SGCZ: variants seen among roughly 807,000 people sequenced by gnomAD.
SGCZ encodes sarcoglycan zeta.
A neutral mutation model predicts 41.3 loss-of-function variants in SGCZ; 40 were observed. That is an observed-to-expected ratio of 0.97 (90% CI 0.75 to 1.26). The LOEUF (loss-of-function observed/expected upper bound fraction) is 1.26, where lower values mean the gene tolerates loss of function less well. Ranked by LOEUF, SGCZ falls within the 50% of genes most tolerant of loss-of-function variation. The pLI, the probability that SGCZ is intolerant of heterozygous loss-of-function variation, is 0.00. For synonymous variants in SGCZ, 206 were observed against 137.5 expected (o/e 1.50, Z -3.49); for missense variants, 552 against 369.8 (o/e 1.49, Z -4.04).
At chr8:14,931,627 T>A (rs893656981) in intron 1 of SGCZ, among the ~76,000 whole-genome samples, 4 of 152,012 alleles carry the variant, frequency 2.6e-5, no homozygotes, top group African/African-American at 9.7e-5. Context: ...TTAGATAATT[T>A]TCAGATATTA....
chr8:14,226,210 A>G (rs1334971763), intron 4 of SGCZ, among the ~76,000 whole-genome samples: 1 of 152,092 alleles, frequency 6.6e-6, no homozygotes, highest in Non-Finnish European at 1.5e-5. Flanking sequence ...AAAAAAAGAC[A>G]GACATCATGT....
At chr8:14,338,554 T>C (rs1802581537) in intron 2 of SGCZ, among the ~76,000 whole-genome samples, 1 of 152,306 alleles carries the variant, frequency 6.6e-6, no homozygotes, top group East Asian at 1.9e-4. Flanking sequence ...CTCTGCTCCA[T>C]CCTGCTCCCT....
At chr8:14,305,431 G>A (rs1234289147) in intron 3 of SGCZ, among the ~76,000 whole-genome samples, 4 of 151,978 alleles carry the variant, frequency 2.6e-5, no homozygotes, top group African/African-American at 9.7e-5. Context: ...GGTTTCATGA[G>A]GTCTATATCT....
intron 2 of SGCZ, among the ~76,000 whole-genome samples, chr8:14,385,494 C>T (rs1394081054): frequency 6.6e-6 from 1 of 152,132 alleles, no homozygotes; most frequent in African/African-American, 2.4e-5. Flanking sequence ...TGGTCCACAC[C>T]ATACCTTTCA....
At position 14,443,317 on chromosome 8, in the gene SGCZ, G is replaced by A. The variant is rs561532319; in HGVS notation, c.234+111415C>T. On this transcript the variant is annotated intron_variant, in intron 2 of 7. Transcript: ENST00000382080. ...CAGAATTGGAAAAAACGACTTTAAA[G>A]TTCATATGGAACCAAAAAAGAGCCC... 1.1e-4 allele frequency among the ~76,000 whole-genome samples: 17 copies of A among 152,158 alleles called. No homozygotes were observed. In the East Asian group the frequency reaches 3.3e-3, roughly 29 times the overall value.
At chr8:15,227,464 T>TA (rs1198028444) in intron 1 of SGCZ, among the ~76,000 whole-genome samples, 36 of 152,310 alleles carry the variant, frequency 2.4e-4, no homozygotes, top group Admixed American at 7.8e-4. Context: ...TCACACGTCT[T>TA]ATAATGTAAA....
At chr8:14,337,009 C>T (rs1802526575) in intron 2 of SGCZ, among the ~76,000 whole-genome samples, 1 of 152,086 alleles carries the variant, frequency 6.6e-6, no homozygotes, top group Admixed American at 6.5e-5. Context: ...GTCCATATGG[C>T]CATTAAAGGA....
intron 1 of SGCZ, among the ~76,000 whole-genome samples, chr8:14,761,811 G>T (rs1799890339): frequency 6.6e-6 from 1 of 152,016 alleles, no homozygotes; most frequent in Non-Finnish European, 1.5e-5. Context: ...AGGTGTGAAG[G>T]TGTGAGCCAT....
At chr8:14,514,813 GTA>G (rs753396790) in intron 2 of SGCZ, among the ~76,000 whole-genome samples, 1,692 of 24,892 alleles carry the variant, frequency 0.068, 25 homozygotes, top group Non-Finnish European at 0.077. Context: ...GTGTGTGTGT[GTA>G]TATATACACG....
Position 15,154,863 on chromosome 8 carries a change from T to C in SGCZ, c.39+82722A>G, listed in dbSNP as rs375575461. On this transcript the variant is annotated intron_variant, in intron 1 of 7. Transcript: ENST00000382080. ...TGAACATGAGAGGTTGGTTAACAGATACAAAATTACAGCTAGATAGGAGGA... is the reference window on the plus strand; with the variant it reads ...TGAACATGAGAGGTTGGTTAACAGACACAAAATTACAGCTAGATAGGAGGA... 5.9e-5 allele frequency among the ~76,000 whole-genome samples: 9 copies of C among 152,306 alleles called. 1 individual carries two copies. The highest frequency in any genetic ancestry group is 4.1e-4 in the South Asian group (2 of 4,832).
intron 1 of SGCZ, among the ~76,000 whole-genome samples, chr8:14,916,389 T>A (rs936737103): frequency 6.6e-6 from 1 of 152,088 alleles, no homozygotes; most frequent in Non-Finnish European, 1.5e-5. Context: ...TTACCACATA[T>A]AGACATAGAT....
intron 3 of SGCZ, among the ~76,000 whole-genome samples, chr8:14,313,126 G>A (rs768555586): frequency 1.3e-5 from 2 of 152,146 alleles, no homozygotes; most frequent in Non-Finnish European, 2.9e-5. Context: ...AGCTGTGAGA[G>A]TATTCTAATG....
intron 1 of SGCZ, among the ~76,000 whole-genome samples, chr8:14,735,992 G>A (rs1201344797): frequency 6.6e-6 from 1 of 152,072 alleles, no homozygotes; most frequent in African/African-American, 2.4e-5. Flanking sequence ...GTGTAAATGA[G>A]TATGGAGATT....
At chr8:14,094,206 A>C (rs191008617) in intron 7 of SGCZ, among the ~76,000 whole-genome samples, 73 of 152,016 alleles carry the variant, frequency 4.8e-4, no homozygotes, top group Non-Finnish European at 8.4e-4. Flanking sequence ...GGTTTGTTAC[A>C]TAGGTATTCA....
At chr8:15,221,268 C>G (rs1016229341) in intron 1 of SGCZ, among the ~76,000 whole-genome samples, 4 of 152,136 alleles carry the variant, frequency 2.6e-5, no homozygotes, top group Non-Finnish European at 5.9e-5. Flanking sequence ...TTAAAATACA[C>G]TTAACTGCAA....
intron 1 of SGCZ, among the ~76,000 whole-genome samples, chr8:14,828,005 G>C (rs1012138428): frequency 5.3e-5 from 8 of 152,176 alleles, no homozygotes; most frequent in African/African-American, 1.7e-4. Context: ...CGTACTACTT[G>C]TTTAACATGT....
intron 2 of SGCZ, among the ~76,000 whole-genome samples, chr8:14,466,113 T>C (rs968468900): frequency 6.6e-6 from 1 of 151,960 alleles, no homozygotes; most frequent in Non-Finnish European, 1.5e-5. Flanking sequence ...TCCACCCTGA[T>C]AGAATCCCTT....
intron 1 of SGCZ, among the ~76,000 whole-genome samples, chr8:14,949,746 A>T (rs1467671167): frequency 6.6e-6 from 1 of 152,094 alleles, no homozygotes; most frequent in East Asian, 1.9e-4. Flanking sequence ...GCTACTCTAC[A>T]TTTAATTATA....
intron 4 of SGCZ, among the ~76,000 whole-genome samples, chr8:14,177,675 ATTTTTTT>A (rs1193141913): frequency 4.9e-4 from 54 of 111,338 alleles, no homozygotes; most frequent in Admixed American, 2.1e-3. Context: ...ACGCCCTGCT[ATTTTTTT>A]TTTTTTTTTT....
Sources: gnomAD v4.1 joint callset for allele counts (sites outside exome capture counted in the v4.1 genomes callset) on GRCh38, gnomAD v4.1.1 for gene constraint, MANE v1.5 for transcripts, NCBI Gene and HGNC (gene_info 2026-07-23, HGNC 2026-07-21) for gene names.